ARHGAP22: variants seen among roughly 807,000 people sequenced by gnomAD.
ARHGAP22 encodes the protein rho GTPase-activating protein 22.
ARHGAP22 carries 48 observed loss-of-function variants against 59.1 expected under a neutral mutation model. The observed-to-expected ratio is 0.81, with a 90% CI of 0.64 to 1.03. The LOEUF (loss-of-function observed/expected upper bound fraction) is 1.03, where lower values mean the gene tolerates loss of function less well. Ranked by LOEUF, ARHGAP22 falls within the 50% of genes least tolerant of loss-of-function variation. ARHGAP22 has a pLI of 0.00. For synonymous variants in ARHGAP22, 445 were observed against 416.4 expected (o/e 1.07, Z -0.84); for missense variants, 1,015 against 958.7 (o/e 1.06, Z -0.78).
intron 4 of ARHGAP22, among the ~76,000 whole-genome samples, chr10:48,475,483 T>C (rs56330354): frequency 6.9e-6 from 1 of 145,060 alleles, no homozygotes; most frequent in Non-Finnish European, 1.5e-5. Flanking sequence ...ACTAGGCCCA[T>C]ATCTTCCTTC....
At chr10:48,497,199 A>T (rs1399952002) in intron 3 of ARHGAP22, among the ~76,000 whole-genome samples, 7 of 152,070 alleles carry the variant, frequency 4.6e-5, no homozygotes, top group Non-Finnish European at 4.4e-5. Context: ...AATTATCAAA[A>T]CGGCAAGATG....
At position 48,604,853 on chromosome 10, in the gene ARHGAP22, T is replaced by G; in HGVS notation, c.-57A>C. On this transcript the variant is annotated 5_prime_UTR_variant, in exon 1 of 10. Transcript: ENST00000249601. ...GCCGTTCATGCTGTCATCCACTTGC[T>G]TTTGCTCGTCCTCGCGCCTAGTCGC... 6.2e-7 allele frequency: 1 copy of G among 1,613,620 alleles called. No individual in the cohort carries two copies. Among genetic ancestry groups the G allele is most frequent in the South Asian group, 1.1e-5 (1 of 91,072 alleles).
rs995089591 is a variant in ARHGAP22 at position 48,446,549 on chromosome 10, T to C, written c.1939A>G (p.Lys647Glu). The change falls in exon 10 of 10, where the codon AAA becomes GAA. Residue 647 changes from lysine (K) to glutamate (E), a missense_variant. Transcript: ENST00000249601. ...TTTATTTCCAGCATGATGTATTTTT[T>C]CTTTTCCTGGTCCAGTTCTTCTTCT... ...RLEEELDQEK[K>E]KYIMLEIKLR... 1.1e-5 allele frequency: 17 copies of C among 1,614,136 alleles called. No individual in the cohort carries two copies. In the African/African-American group the frequency reaches 2.1e-4, roughly 20 times the overall value.
At chr10:48,551,989 C>T (rs2056931384) in intron 3 of ARHGAP22, among the ~76,000 whole-genome samples, 1 of 152,248 alleles carries the variant, frequency 6.6e-6, no homozygotes, top group Non-Finnish European at 1.5e-5. Context: ...GGGTGGGCAA[C>T]AGGGCCTGCA....
chr10:48,595,561 T>C (rs2060018966), intron 1 of ARHGAP22, among the ~76,000 whole-genome samples: 1 of 152,174 alleles, frequency 6.6e-6, no homozygotes, highest in Non-Finnish European at 1.5e-5. Context: ...TCTTGCTGTA[T>C]CACCTAGGCT....
chr10:48,450,355 G>A lies in ARHGAP22; in HGVS notation c.1774C>T (p.His592Tyr), dbSNP rs760488434. Residue 592 changes from histidine to tyrosine, a missense_variant, in exon 9 of 10, where the codon CAC becomes TAC. By Grantham distance (83) the His-to-Tyr change is moderately conservative (BLOSUM62 2). Transcript: ENST00000249601. ...TGTAAGGCCTCGGAGCGGCGCGCGT[G>A]TTCCCGGGTGGGGCTGTCCGGCTCG... ...PSEPDSPTRE[H>Y]ARRSEALQGL... 1 of 1,589,570 alleles carries A rather than the reference G, an allele frequency of 6.3e-7. No individual in the cohort carries two copies. The highest frequency in any genetic ancestry group is 8.6e-7 in the Non-Finnish European group (1 of 1,168,622).
chr10:48,476,121 C>T (rs773597799), intron 4 of ARHGAP22, among the ~76,000 whole-genome samples: 9 of 152,248 alleles, frequency 5.9e-5, no homozygotes, highest in Non-Finnish European at 1.0e-4. Context: ...TCTACTAGCA[C>T]GTGAGAACCA....
upstream of ARHGAP22, among the ~76,000 whole-genome samples, chr10:48,605,864 A>G (rs369145398): frequency 6.6e-6 from 1 of 152,132 alleles, no homozygotes; most frequent in Non-Finnish European, 1.5e-5. Context: ...ACCTGCCCAA[A>G]GTCATACAGT....
chr10:48,643,944 T>A lies in ARHGAP22; in HGVS notation c.52+8290A>T, dbSNP rs141155123. On this transcript the variant is annotated intron_variant, in intron 1 of 9. Coordinates refer to the ARHGAP22 transcript ENST00000435790. ...AGGCAAATCACCTGAGGTGGGGAGT[T>A]TGAGACCAGCCTAAACGACATGGAG... Among the ~76,000 whole-genome samples, 692 of 151,992 alleles carry A rather than the reference T, an allele frequency of 4.6e-3. 4 individuals are homozygous for A. The highest frequency in any genetic ancestry group is 7.7e-3 in the Non-Finnish European group (524 of 67,956).
chr10:48,634,567 C>T (rs1265686955), intron 1 of ARHGAP22, among the ~76,000 whole-genome samples: 2 of 152,132 alleles, frequency 1.3e-5, no homozygotes, highest in African/African-American at 2.4e-5. Flanking sequence ...CCTGGGCTTC[C>T]GCTTGGCTCC....
intron 3 of ARHGAP22, among the ~76,000 whole-genome samples, chr10:48,552,005 T>C (rs2056933917): frequency 6.6e-6 from 1 of 152,260 alleles, no homozygotes; most frequent in Admixed American, 6.5e-5. Flanking sequence ...CTGCACTTTC[T>C]GGCCCAGAAC....
Position 48,459,673 on chromosome 10 carries a change from C to A in ARHGAP22, c.659+11G>T, listed in dbSNP as rs199761631. 9.9e-5 allele frequency: 160 copies of A among 1,614,024 alleles called. 1 individual carries two copies. The highest frequency in any genetic ancestry group is 8.5e-6 in the Non-Finnish European group (10 of 1,179,922). On this transcript the variant is annotated intron_variant, in intron 5 of 9. Transcript: ENST00000249601. The stretch of plus-strand genomic sequence containing the variant: ...CAAATGGCTCCACCTTACCCCCGAT[C>A]ACAAGCTCACCTGTCAAACAGTGGC...
At chr10:48,531,782 A>G (rs2054875938) in intron 3 of ARHGAP22, among the ~76,000 whole-genome samples, 1 of 152,210 alleles carries the variant, frequency 6.6e-6, no homozygotes, top group Admixed American at 6.5e-5. Flanking sequence ...CTAGCCTGTG[A>G]TCTTAACAAT....
At chr10:48,549,675 GTCC>G (rs2056748425) in intron 3 of ARHGAP22, among the ~76,000 whole-genome samples, 1 of 152,078 alleles carries the variant, frequency 6.6e-6, no homozygotes, top group Admixed American at 6.6e-5. Flanking sequence ...ACATTATACG[GTCC>G]TCCTCCTCTT....
intron 1 of ARHGAP22, among the ~76,000 whole-genome samples, chr10:48,615,096 C>T (rs997726246): frequency 7.2e-5 from 11 of 152,176 alleles, no homozygotes; most frequent in African/African-American, 2.7e-4. Flanking sequence ...CTTTGAAAAG[C>T]TGTAACATAC....
chr10:48,614,502 A>G (rs1431937295), intron 1 of ARHGAP22, among the ~76,000 whole-genome samples: 2 of 152,242 alleles, frequency 1.3e-5, no homozygotes, highest in African/African-American at 4.8e-5. Context: ...CAGAACACTC[A>G]TTTTTAAAAT....
At chr10:48,474,609 A>G (rs529501133) in intron 4 of ARHGAP22, among the ~76,000 whole-genome samples, 21 of 152,140 alleles carry the variant, frequency 1.4e-4, no homozygotes, top group African/African-American at 5.1e-4. Context: ...ATTCCCTTCT[A>G]TTCCTAGGGA....
chr10:48,635,723 C>T (rs912119652), intron 1 of ARHGAP22, among the ~76,000 whole-genome samples: 96 of 152,364 alleles, frequency 6.3e-4, no homozygotes, highest in African/African-American at 2.3e-3. Context: ...TCCCTCCTTC[C>T]TGGTGTCACT....
At chr10:48,628,998 AG>A (rs1449168341) in intron 1 of ARHGAP22, among the ~76,000 whole-genome samples, 1 of 152,204 alleles carries the variant, frequency 6.6e-6, no homozygotes, top group African/African-American at 2.4e-5. Flanking sequence ...TTGCAGGGAA[AG>A]GTGCATTCAC....
Sources: allele counts gnomAD v4.1 joint callset (sites outside exome capture counted in the v4.1 genomes callset), GRCh38; gene constraint gnomAD v4.1.1; transcripts MANE v1.5; gene names NCBI Gene and HGNC (gene_info 2026-07-23, HGNC 2026-07-21).